TNFSF4: variants seen among roughly 807,000 people sequenced by gnomAD.
TNFSF4 encodes the protein TNF superfamily member 4, also known as tumor necrosis factor ligand superfamily member 4.
A neutral mutation model predicts 7.3 loss-of-function variants in TNFSF4; 4 were observed. The ratio of observed to expected loss-of-function variants is 0.55; its 90% confidence interval spans 0.27 to 1.25. The LOEUF is 1.25. Among genes scored for constraint, TNFSF4 ranks in the 50% most tolerant of loss-of-function variants. The pLI is 0.12. For missense variants in TNFSF4, 181 were observed against 208.8 expected (o/e 0.87, Z 0.82); for synonymous variants, 76 against 83.7 (o/e 0.91, Z 0.50).
chr1:173,442,545 G>GTTTTTTTTTTTTTT, the TNFSF4 span, among the ~76,000 whole-genome samples: 133 of 93,448 alleles, frequency 1.4e-3, 14 homozygotes, highest in Non-Finnish European at 1.9e-3. Flanking sequence ...TTTCGTTTTT[G>GTTTTTTTTTTTTTT]TTTTTGTTTT....
the TNFSF4 span, among the ~76,000 whole-genome samples, chr1:173,315,121 G>A: frequency 2.6e-3 from 392 of 152,214 alleles, 1 homozygote; most frequent in African/African-American, 8.9e-3. Context: ...CATTTTTTAC[G>A]TGTGACCTAA....
chr1:173,202,940 C>G (rs1466301113), intron 1 of TNFSF4, among the ~76,000 whole-genome samples: 1 of 150,948 alleles, frequency 6.6e-6, no homozygotes, highest in African/African-American at 2.4e-5. Context: ...CCTGACTCCC[C>G]AGAAGGCTGA....
At chr1:173,412,577 G>A in the TNFSF4 span, among the ~76,000 whole-genome samples, 1 of 152,156 alleles carries the variant, frequency 6.6e-6, no homozygotes, top group Non-Finnish European at 1.5e-5. Flanking sequence ...AAATATATTT[G>A]CAATATATGT....
chr1:173,235,580 C>A, the TNFSF4 span, among the ~76,000 whole-genome samples: 1 of 152,184 alleles, frequency 6.6e-6, no homozygotes, highest in South Asian at 2.1e-4. Flanking sequence ...ACCCAAGGAG[C>A]TTGTCTACAC....
At chr1:173,224,887 C>T in the TNFSF4 span, among the ~76,000 whole-genome samples, 1 of 152,238 alleles carries the variant, frequency 6.6e-6, no homozygotes, top group Non-Finnish European at 1.5e-5. Context: ...CACCTAGACC[C>T]TCTGTCCACC....
chr1:173,398,396 T>C, the TNFSF4 span, among the ~76,000 whole-genome samples: 1 of 149,508 alleles, frequency 6.7e-6, no homozygotes, highest in East Asian at 1.9e-4. Flanking sequence ...TCTACCTCAG[T>C]GATATTTCTT....
the TNFSF4 span, among the ~76,000 whole-genome samples, chr1:173,337,670 C>T: frequency 1.3e-5 from 2 of 152,182 alleles, no homozygotes; most frequent in African/African-American, 4.8e-5. Flanking sequence ...TCCCAGTGGA[C>T]AGAACTTTGA....
chr1:173,302,216 C>A, the TNFSF4 span, among the ~76,000 whole-genome samples: 1 of 151,804 alleles, frequency 6.6e-6, no homozygotes, highest in Non-Finnish European at 1.5e-5. Context: ...ATATAGCTAG[C>A]ATTTGTGTAA....
the TNFSF4 span, among the ~76,000 whole-genome samples, chr1:173,244,381 G>A: frequency 5.3e-5 from 8 of 152,018 alleles, no homozygotes; most frequent in East Asian, 3.9e-4. Flanking sequence ...GGTGGCTCAC[G>A]CCTGTAATCC....
In TNFSF4 at chr1:173,186,744, G is replaced by A; in HGVS notation, c.324C>T (p.Tyr108=). Residue 108 remains tyrosine, a synonymous_variant, in exon 3 of 3, where the codon TAC becomes TAT. Transcript: ENST00000281834. ...GGCTAATGTTGACTTCCTGGGAGAA[G>A]TAGCCCTTCAGGGAGATGAGATAAA... is the stretch of plus-strand genomic sequence containing the variant. ...DGFYLISLKG[Y]FSQEVNISLH... 1 of 1,614,186 alleles carries A rather than the reference G, an allele frequency of 6.2e-7. No homozygotes were observed. Among genetic ancestry groups the A allele is most frequent in the Non-Finnish European group, 8.5e-7 (1 of 1,180,030 alleles).
chr1:173,209,331 A>G (rs1325620327), upstream of TNFSF4, among the ~76,000 whole-genome samples: 1 of 152,212 alleles, frequency 6.6e-6, no homozygotes, highest in African/African-American at 2.4e-5. Flanking sequence ...TCACTGGGCT[A>G]GTCTAGCATT....
At chr1:173,283,587 T>G in the TNFSF4 span, among the ~76,000 whole-genome samples, 1 of 151,978 alleles carries the variant, frequency 6.6e-6, no homozygotes, top group Admixed American at 6.6e-5. Context: ...TGAAACTACC[T>G]TACAAAAACA....
chr1:173,324,660 T>C, the TNFSF4 span, among the ~76,000 whole-genome samples: 1 of 151,978 alleles, frequency 6.6e-6, no homozygotes, highest in Non-Finnish European at 1.5e-5. Flanking sequence ...AATAAAGGGA[T>C]GGAGGAAGAT....
upstream of TNFSF4, among the ~76,000 whole-genome samples, chr1:173,209,444 T>G (rs1291445879): frequency 6.6e-6 from 1 of 152,202 alleles, no homozygotes; most frequent in Non-Finnish European, 1.5e-5. Flanking sequence ...AAAATAAAGC[T>G]TAATTGTTTT....
chr1:173,274,932 T>G, the TNFSF4 span, among the ~76,000 whole-genome samples: 1 of 152,126 alleles, frequency 6.6e-6, no homozygotes, highest in Non-Finnish European at 1.5e-5. Context: ...TAGTTAGATT[T>G]CCCCTGAGTT....
chr1:173,201,624 G>A (rs1246074829), intron 1 of TNFSF4, among the ~76,000 whole-genome samples: 1 of 152,188 alleles, frequency 6.6e-6, no homozygotes, highest in Non-Finnish European at 1.5e-5. Context: ...TTGGGGTCAA[G>A]AGGTAAAAGC....
chr1:173,419,278 C>T, the TNFSF4 span, among the ~76,000 whole-genome samples: 1 of 150,952 alleles, frequency 6.6e-6, no homozygotes, highest in Non-Finnish European at 1.5e-5. Flanking sequence ...GGAGGCGGAG[C>T]TTGCAGGGAG....
At chr1:173,205,345 C>T in intron 1 of TNFSF4, 1 of 1,612,048 alleles carries the variant, frequency 6.2e-7, no homozygotes, top group Non-Finnish European at 8.5e-7. Flanking sequence ...CAGCACCCTG[C>T]TTTTCTTCCC....
chr1:173,352,700 A>G, the TNFSF4 span, among the ~76,000 whole-genome samples: 1 of 152,228 alleles, frequency 6.6e-6, no homozygotes, highest in South Asian at 2.1e-4. Context: ...ACGCATTGTC[A>G]TTGATAAACC....
Sources: allele counts gnomAD v4.1 joint callset (sites outside exome capture counted in the v4.1 genomes callset), GRCh38; gene constraint gnomAD v4.1.1; transcripts MANE v1.5; gene names NCBI Gene and HGNC (gene_info 2026-07-23, HGNC 2026-07-21).